The following PRICKLE2 variants were observed in gnomAD, a reference collection of about 807,000 sequenced individuals.
The protein encoded by PRICKLE2 is prickle-like protein 2.
In PRICKLE2, 21 loss-of-function variants were observed where a neutral mutation model predicts 81.4. The observed-to-expected ratio is 0.26, with a 90% CI of 0.18 to 0.37. The LOEUF is 0.37. PRICKLE2 is among the 10% of genes least tolerant of loss of function. PRICKLE2 has a pLI of 1.00. For missense variants in PRICKLE2, 940 were observed against 1,109.0 expected (o/e 0.85, Z 2.16); for synonymous variants, 456 against 421.5 (o/e 1.08, Z -1.00).
At chr3:64,177,239 G>C (rs1315367374) in intron 2 of PRICKLE2, among the ~76,000 whole-genome samples, 2 of 140,182 alleles carry the variant, frequency 1.4e-5, no homozygotes, top group Non-Finnish European at 3.0e-5. Flanking sequence ...GGGTTCAAGT[G>C]ATTCTCCTGC....
At chr3:64,257,688 G>A (rs1369751491) in intron 2 of PRICKLE2, among the ~76,000 whole-genome samples, 1 of 152,176 alleles carries the variant, frequency 6.6e-6, no homozygotes, top group Non-Finnish European at 1.5e-5. Context: ...TCAAGAGAAT[G>A]TAGGCATGGC....
At position 64,096,501 on chromosome 3, in the gene PRICKLE2, C is replaced by A. The variant is rs2076574438; in HGVS notation, c.*2550G>T. ...GCCATCATTGTAAGGAATTGGCCTT[C>A]CTCATTCAGCATTCTCTGTAAGGTT... On this transcript the variant is annotated 3_prime_UTR_variant, in exon 8 of 8. Transcript: ENST00000638394. 1 of 152,222 alleles carries A rather than the reference C, an allele frequency of 6.6e-6. No individual in the cohort carries two copies. Among genetic ancestry groups the A allele is most frequent in the South Asian group, 2.1e-4 (1 of 4,824 alleles). 9.4% of individuals were successfully genotyped at this position (152,222 alleles called of 1,614,324 possible). A position where few individuals can be genotyped will look rare whatever the true frequency, so the allele number is the denominator to read the frequency against.
At position 64,100,011 on chromosome 3, in the gene PRICKLE2, T is replaced by C. The variant is rs561161609; in HGVS notation, c.1661-86A>G. 2.7e-5 allele frequency: 39 copies of C among 1,442,436 alleles called. No homozygotes were observed. In the Admixed American group the frequency reaches 3.5e-4, roughly 13 times the overall value. 89.4% of individuals were successfully genotyped at this position (1,442,436 alleles called of 1,614,324 possible). ...GTCACTGCTGGTCATCTATCTAGGG[T>C]CATTATATACCGTTGTGAAGTTGTG... On this transcript the variant is annotated intron_variant, in intron 7 of 7. Transcript: ENST00000638394.
chr3:64,239,952 CAAAAAA>C (rs57932723), intron 2 of PRICKLE2, among the ~76,000 whole-genome samples: 166 of 32,238 alleles, frequency 5.1e-3, no homozygotes, highest in African/African-American at 0.018. Flanking sequence ...CCATCGCTAC[CAAAAAA>C]AAAAAAAAAA....
At chr3:64,149,455 A>C (rs1047007801) in intron 6 of PRICKLE2, among the ~76,000 whole-genome samples, 1 of 152,232 alleles carries the variant, frequency 6.6e-6, no homozygotes, top group Non-Finnish European at 1.5e-5. Context: ...GCAGAATGGA[A>C]ACTGGGAGCT....
At position 64,146,901 on chromosome 3, in the gene PRICKLE2, G is replaced by A. The variant is rs1393803117; in HGVS notation, c.1589C>T (p.Thr530Ile). The change falls in exon 7 of 8, where the codon ACA becomes ATA. Residue 530 changes from threonine (T) to isoleucine (I), a missense_variant. Transcript: ENST00000638394. ...TRHPISSLKYTEDMTPTEQTP... is the reference protein window; with the variant it reads ...TRHPISSLKYIEDMTPTEQTP... ...CTGCTCTGTGGGCGTCATGTCCTCT[G>A]TGTATTTCAGGGAACTGATGGGATG... is the stretch of plus-strand genomic sequence containing the variant. The A allele has an allele frequency of 6.2e-7, 1 of 1,614,028 alleles. No individual in the cohort carries two copies. Among genetic ancestry groups the A allele is most frequent in the African/African-American group, 1.3e-5 (1 of 74,904 alleles).
intron 1 of PRICKLE2, among the ~76,000 whole-genome samples, chr3:64,220,124 G>C (rs1006487267): frequency 1.3e-5 from 2 of 152,136 alleles, no homozygotes; most frequent in African/African-American, 2.4e-5. Context: ...CAGATTTTGT[G>C]ACCATAGAAA....
At position 64,094,043 on chromosome 3, in the gene PRICKLE2, GAACAC is replaced by G. The variant is rs2076536342; in HGVS notation, c.*5003_*5007del. 6.6e-6 allele frequency: 1 copy of G among 152,588 alleles called. No individual in the cohort carries two copies. Among genetic ancestry groups the G allele is most frequent in the Non-Finnish European group, 1.5e-5 (1 of 68,052 alleles). The allele number at this position is 152,588 out of a possible 1,614,324, so 9.5% of individuals were successfully genotyped here. A position where few individuals can be genotyped will look rare whatever the true frequency, so the allele number is the denominator to read the frequency against. On this transcript the variant is annotated 3_prime_UTR_variant, in exon 8 of 8. Coordinates refer to ENST00000638394, the MANE Select transcript of PRICKLE2 (RefSeq NM_198859.4). ...AACAAATAGCTTGACACTCAACACA[GAACAC>G]AGACTCTGGCCTGCCTCACCTTCCC... is the stretch of plus-strand genomic sequence containing the variant.
rs387906988 is a variant in PRICKLE2, at chr3:64,157,319, C to T, written c.443G>A (p.Arg148His). ...GTGCCAGCAAACGCCGTGGCCAGCG[C>T]GTGACGCAAACACAGCGATGTCTCC... ...NGGDIAVFAS[R>H]AGHGVCWHPP... Residue 148 changes from arginine to histidine, a missense_variant, in exon 5 of 8, where the codon CGC (arginine) becomes CAC (histidine). Transcript: ENST00000638394. The T allele has an allele frequency of 6.2e-6, 10 of 1,613,940 alleles. No homozygotes were observed. Among genetic ancestry groups the T allele is most frequent in the South Asian group, 2.2e-5 (2 of 91,058 alleles).
intron 2 of PRICKLE2, among the ~76,000 whole-genome samples, chr3:64,165,289 C>G (rs2077811273): frequency 6.6e-6 from 1 of 152,124 alleles, no homozygotes; most frequent in South Asian, 2.1e-4. Context: ...TTGGAATCTT[C>G]CCTGCACCCT....
In PRICKLE2 at chr3:64,225,061, C is replaced by T. The variant is rs1383443794; in HGVS notation, c.-192G>A. The stretch of plus-strand genomic sequence containing the variant: ...CCAAAGCATCTTCTCCTCAAACCCC[C>T]TTTTCAGTCTGAACCCTTCCTGAAG... On this transcript the variant is annotated 5_prime_UTR_variant, in exon 1 of 8. Coordinates refer to ENST00000638394, the MANE Select transcript of PRICKLE2 (RefSeq NM_198859.4). The T allele has an allele frequency of 1.0e-6, 1 of 985,478 alleles. No individual in the cohort carries two copies. Among genetic ancestry groups the T allele is most frequent in the Non-Finnish European group, 1.2e-6 (1 of 830,054 alleles). The allele number at this position is 985,478 out of a possible 1,614,324, so 61.0% of individuals were successfully genotyped here.
chr3:64,259,375 C>T (rs1373896266), intron 2 of PRICKLE2, among the ~76,000 whole-genome samples: 2 of 152,128 alleles, frequency 1.3e-5, no homozygotes, highest in Non-Finnish European at 2.9e-5. Flanking sequence ...GCTGAGGACA[C>T]TGAAGTTCTG....
chr3:64,265,056 A>G (rs901805375), intron 2 of PRICKLE2, among the ~76,000 whole-genome samples: 1 of 152,186 alleles, frequency 6.6e-6, no homozygotes, highest in African/African-American at 2.4e-5. Flanking sequence ...TTCTTCTGGA[A>G]GTTGTCCAGA....
At position 64,099,679 on chromosome 3, in the gene PRICKLE2, T is replaced by A. The variant is rs145422223; in HGVS notation, c.1907A>T (p.His636Leu). The stretch of plus-strand genomic sequence containing the variant: ...ATCAAAGCTCTGATGCATCCTTCCG[T>A]GGGACTGCAGGTCTCTGTAGCCAAT... ...NPIGYRDLQS[H>L]GRMHQSFDFD... Residue 636 changes from histidine to leucine, a missense_variant, in exon 8 of 8, where the codon CAC becomes CTC. This residue lies in a region of PRICKLE2 where 670 missense variants were observed against 717.2 expected (regional missense o/e 0.93). Coordinates refer to ENST00000638394, the MANE Select transcript of PRICKLE2 (RefSeq NM_198859.4). The surrounding 1 kb of genome is among the most constrained non-coding windows in gnomAD (Gnocchi z 4.3). 1.1e-5 allele frequency: 18 copies of A among 1,614,058 alleles called. No individual in the cohort carries two copies. The highest frequency in any genetic ancestry group is 1.6e-4 in the Middle Eastern group (1 of 6,084).
At chr3:64,195,711 C>T (rs376981097) in intron 2 of PRICKLE2, among the ~76,000 whole-genome samples, 9 of 152,128 alleles carry the variant, frequency 5.9e-5, no homozygotes, top group African/African-American at 2.2e-4. Flanking sequence ...CAGTGCTATA[C>T]GTAATAGACT....
intron 2 of PRICKLE2, among the ~76,000 whole-genome samples, chr3:64,193,740 T>A (rs1486116059): frequency 1.3e-5 from 2 of 152,152 alleles, no homozygotes; most frequent in Non-Finnish European, 2.9e-5. Context: ...CATGATGGCC[T>A]CGTGATAGTA....
chr3:64,202,808 A>G (rs538766528), intron 1 of PRICKLE2, among the ~76,000 whole-genome samples: 1 of 152,242 alleles, frequency 6.6e-6, no homozygotes, highest in East Asian at 1.9e-4. Flanking sequence ...TACAATGTTC[A>G]ACAGAAGTAG....
intron 4 of PRICKLE2, among the ~76,000 whole-genome samples, chr3:64,159,127 G>A (rs1173282575): frequency 6.6e-6 from 1 of 152,162 alleles, no homozygotes; most frequent in Non-Finnish European, 1.5e-5. Flanking sequence ...AACAGGAGCA[G>A]AGGAGACAGG....
intron 2 of PRICKLE2, among the ~76,000 whole-genome samples, chr3:64,177,413 G>T (rs780054886): frequency 2.6e-5 from 4 of 151,998 alleles, no homozygotes; most frequent in African/African-American, 9.7e-5. Flanking sequence ...GATTATAGAC[G>T]TGAGCCACCA....
Sources: gnomAD v4.1 joint callset for allele counts (sites outside exome capture counted in the v4.1 genomes callset) on GRCh38, gnomAD v4.1.1 for gene constraint, gnomAD v4.1.1 regional missense constraint, Gnocchi (gnomAD v3.1) non-coding constraint, MANE v1.5 for transcripts, NCBI Gene and HGNC (gene_info 2026-07-23, HGNC 2026-07-21) for gene names.